Variants in CNST observed in about 807,000 individuals in gnomAD.
CNST encodes the protein consortin.
Under a neutral mutation model 72.4 loss-of-function variants are expected in CNST, and 39 were observed. That is an observed-to-expected ratio of 0.54 (90% CI 0.42 to 0.70). CNST has a LOEUF of 0.70. Ranked by LOEUF, CNST falls within the 30% of genes least tolerant of loss-of-function variation. CNST has a pLI of 0.00. For synonymous variants in CNST, 332 were observed against 320.1 expected (o/e 1.04, Z -0.40); for missense variants, 871 against 868.5 (o/e 1.00, Z -0.04).
chr1:246,619,154 G>GAAAAAA (rs397983629), intron 2 of CNST, among the ~76,000 whole-genome samples: 2 of 145,244 alleles, frequency 1.4e-5, no homozygotes, highest in Admixed American at 6.9e-5. Context: ...AGAGAAAAGG[G>GAAAAAA]AAAAAAAAAA....
Position 246,647,919 on chromosome 1 carries a change from C to G in CNST, c.1718C>G (p.Ser573Cys). 1 of 1,613,812 alleles carries G rather than the reference C, an allele frequency of 6.2e-7. No individual in the cohort carries two copies. Among genetic ancestry groups the G allele is most frequent in the South Asian group, 1.1e-5 (1 of 91,078 alleles). ...LSYEDNQDDD[S>C]DLLQDLSPEE... ...TATGAAGATAACCAAGACGACGACTCCGATCTCCTTCAAGATCTCTCTCCT... is the reference window on the plus strand; with the variant it reads ...TATGAAGATAACCAAGACGACGACTGCGATCTCCTTCAAGATCTCTCTCCT... Residue 573 changes from serine to cysteine, a missense_variant, in exon 9 of 11, where the codon TCC (serine) becomes TGC (cysteine). Ser to Cys is a moderately radical substitution (Grantham distance 112). Coordinates refer to ENST00000366513, the MANE Select transcript of CNST (RefSeq NM_152609.3).
chr1:246,583,230 A>G (rs542574125), intron 1 of CNST, among the ~76,000 whole-genome samples: 4 of 152,270 alleles, frequency 2.6e-5, no homozygotes, highest in African/African-American at 9.6e-5. Flanking sequence ...CTCTGTGTCT[A>G]ACTTCTCACG....
chr1:246,631,726 G>A (rs1664781185), intron 3 of CNST, among the ~76,000 whole-genome samples, 168 bp from the exon 4 acceptor site: 1 of 152,154 alleles, frequency 6.6e-6, no homozygotes, highest in Non-Finnish European at 1.5e-5. Context: ...ATTGCATCCT[G>A]TGCCTACAGT....
chr1:246,656,833 G>A (rs1666800696), intron 9 of CNST, among the ~76,000 whole-genome samples: 1 of 152,052 alleles, frequency 6.6e-6, no homozygotes, highest in South Asian at 2.1e-4. Flanking sequence ...AGGAGGCTAA[G>A]GTGGGAGGAT....
chr1:246,618,828 C>T (rs1010824828), intron 2 of CNST, among the ~76,000 whole-genome samples: 4 of 152,106 alleles, frequency 2.6e-5, no homozygotes, highest in African/African-American at 9.7e-5. Flanking sequence ...ACTAAATAAC[C>T]GAGATAACCA....
At chr1:246,631,536 A>G (rs966197175) in intron 3 of CNST, among the ~76,000 whole-genome samples, 3 of 152,218 alleles carry the variant, frequency 2.0e-5, no homozygotes, top group African/African-American at 7.2e-5. Flanking sequence ...TTAATTTACA[A>G]TAAACAATCA....
At chr1:246,636,328 G>A (rs577359865) in intron 6 of CNST, among the ~76,000 whole-genome samples, 2 of 152,200 alleles carry the variant, frequency 1.3e-5, no homozygotes, top group Non-Finnish European at 2.9e-5. Flanking sequence ...TGTCCAGGTC[G>A]ACGGGCGTTC....
chr1:246,583,921 G>A (rs1411853900), intron 1 of CNST, among the ~76,000 whole-genome samples: 1 of 152,216 alleles, frequency 6.6e-6, no homozygotes, highest in Non-Finnish European at 1.5e-5. Context: ...GAAAATATAT[G>A]TGAATTTGCC....
intron 10 of CNST, among the ~76,000 whole-genome samples, chr1:246,660,587 TG>T (rs1002067674): frequency 2.6e-5 from 4 of 151,994 alleles, no homozygotes; most frequent in African/African-American, 9.7e-5. Flanking sequence ...TTAGCGAGTG[TG>T]GGGGTACGCG....
intron 1 of CNST, among the ~76,000 whole-genome samples, chr1:246,589,963 TTTG>T (rs1206290370): frequency 6.6e-6 from 1 of 152,160 alleles, no homozygotes; most frequent in Non-Finnish European, 1.5e-5. Context: ...GATGGGGTTG[TTTG>T]TTTTTTTCTT....
intron 9 of CNST, among the ~76,000 whole-genome samples, chr1:246,655,936 G>A (rs540273069): frequency 3.3e-5 from 5 of 152,204 alleles, no homozygotes; most frequent in African/African-American, 9.6e-5. Context: ...TTGTTATTAT[G>A]GAACCCAACA....
intron 2 of CNST, among the ~76,000 whole-genome samples, chr1:246,616,238 A>G (rs1000218053): frequency 1.3e-5 from 2 of 152,076 alleles, no homozygotes; most frequent in African/African-American, 4.8e-5. Flanking sequence ...TATATCTTGA[A>G]AACTTTTTGT....
At chr1:246,595,479 G>C (rs2103031004) in intron 2 of CNST, among the ~76,000 whole-genome samples, 1 of 152,190 alleles carries the variant, frequency 6.6e-6, no homozygotes, top group Non-Finnish European at 1.5e-5. Context: ...TTCCCATCTT[G>C]CTTCCATCCT....
chr1:246,610,583 C>A (rs1438649411), intron 2 of CNST, among the ~76,000 whole-genome samples: 1 of 152,174 alleles, frequency 6.6e-6, no homozygotes, highest in African/African-American at 2.4e-5. Context: ...GATGTGGTAA[C>A]TCTGGAAATT....
At chr1:246,584,673 C>T (rs1188836314) in intron 1 of CNST, among the ~76,000 whole-genome samples, 1 of 152,112 alleles carries the variant, frequency 6.6e-6, no homozygotes, top group African/African-American at 2.4e-5. Context: ...GAACTCATCT[C>T]AGTAGACCGT....
At chr1:246,624,544 C>G (rs1279020996) in intron 3 of CNST, among the ~76,000 whole-genome samples, 5 of 152,206 alleles carry the variant, frequency 3.3e-5, no homozygotes, top group Non-Finnish European at 1.5e-5. Context: ...GTCTGGGGAT[C>G]AGCAAAGAAA....
At chr1:246,591,425 C>T (rs542611293) in intron 1 of CNST, 87 bp from the exon 2 acceptor site, 1 of 960,542 alleles carries the variant, frequency 1.0e-6, no homozygotes, top group East Asian at 2.5e-5. Flanking sequence ...TACAATGAAA[C>T]AACCTAAGAG....
intron 2 of CNST, among the ~76,000 whole-genome samples, chr1:246,610,789 C>T (rs1278744003): frequency 2.6e-5 from 4 of 151,950 alleles, no homozygotes; most frequent in South Asian, 4.2e-4. Context: ...TCTAAGCGTG[C>T]GTCGTGTCCT....
chr1:246,597,328 C>G (rs1661956265), intron 2 of CNST, among the ~76,000 whole-genome samples: 1 of 152,114 alleles, frequency 6.6e-6, no homozygotes, highest in South Asian at 2.1e-4. Flanking sequence ...CAATTTAATT[C>G]CAGAACATTT....
Sources: gnomAD v4.1 joint callset for allele counts (sites outside exome capture counted in the v4.1 genomes callset) on GRCh38, gnomAD v4.1.1 for gene constraint, MANE v1.5 for transcripts, NCBI Gene and HGNC (gene_info 2026-07-23, HGNC 2026-07-21) for gene names.